LHFPL3: variants seen among roughly 807,000 people sequenced by gnomAD.
The protein encoded by LHFPL3 is LHFPL tetraspan subfamily member 3 protein.
Under a neutral mutation model 19.3 loss-of-function variants are expected in LHFPL3, and 5 were observed. That is an observed-to-expected ratio of 0.26 (90% CI 0.14 to 0.54). The LOEUF (loss-of-function observed/expected upper bound fraction) is 0.54. Ranked by LOEUF, LHFPL3 falls within the 20% of genes least tolerant of loss-of-function variation. The pLI is 0.94. For synonymous variants in LHFPL3, 133 were observed against 126.2 expected, an observed-to-expected ratio of 1.05 and a Z score of -0.36; for missense variants, 249 against 307.4, an observed-to-expected ratio of 0.81 and a Z score of 1.42.
chr7:104,880,407 A>T (rs1792024943), intron 2 of LHFPL3, among the ~76,000 whole-genome samples: 1 of 152,126 alleles, frequency 6.6e-6, no homozygotes, highest in African/African-American at 2.4e-5. Flanking sequence ...TGAGCCAAAT[A>T]AATCTCTTTC....
chr7:104,575,159 A>G (rs1004680253), intron 1 of LHFPL3, among the ~76,000 whole-genome samples: 1 of 152,188 alleles, frequency 6.6e-6, no homozygotes, highest in African/African-American at 2.4e-5. Context: ...TTCAATGTCA[A>G]TGTTGGAAGG....
chr7:104,545,270 T>C (rs1794557957), intron 1 of LHFPL3, among the ~76,000 whole-genome samples: 1 of 152,188 alleles, frequency 6.6e-6, no homozygotes, highest in Non-Finnish European at 1.5e-5. Context: ...CAAATAGACC[T>C]CACCATATGG....
At chr7:104,852,742 A>G (rs766456367) in intron 2 of LHFPL3, among the ~76,000 whole-genome samples, 8 of 152,170 alleles carry the variant, frequency 5.3e-5, no homozygotes, top group Non-Finnish European at 1.0e-4. Flanking sequence ...GTATCTTTGA[A>G]TGTGTGTTTT....
At chr7:104,624,016 T>C (rs1325051486) in intron 1 of LHFPL3, among the ~76,000 whole-genome samples, 1 of 152,190 alleles carries the variant, frequency 6.6e-6, no homozygotes, top group Non-Finnish European at 1.5e-5. Context: ...CAGTGTCTAG[T>C]TCAGAAATAA....
chr7:104,878,880 G>C (rs915042520), intron 2 of LHFPL3, among the ~76,000 whole-genome samples: 2 of 152,196 alleles, frequency 1.3e-5, no homozygotes, highest in African/African-American at 4.8e-5. Flanking sequence ...GATTGTTATG[G>C]TTATGGTTTG....
At chr7:104,551,318 C>T (rs1794660070) in intron 1 of LHFPL3, among the ~76,000 whole-genome samples, 1 of 152,110 alleles carries the variant, frequency 6.6e-6, no homozygotes, top group Non-Finnish European at 1.5e-5. Flanking sequence ...ATAATGTTGG[C>T]ATATTTCCAT....
At chr7:104,874,679 G>T (rs1226021196) in intron 2 of LHFPL3, among the ~76,000 whole-genome samples, 1 of 151,940 alleles carries the variant, frequency 6.6e-6, no homozygotes, top group Admixed American at 6.6e-5. Flanking sequence ...AAAGTGCTGG[G>T]ATTACAGGCA....
intron 1 of LHFPL3, among the ~76,000 whole-genome samples, chr7:104,556,209 A>T (rs1789827927): frequency 6.6e-6 from 1 of 152,202 alleles, no homozygotes; most frequent in Non-Finnish European, 1.5e-5. Context: ...CAGCTCCACT[A>T]GGCAGTGCCC....
At chr7:104,452,296 G>A (rs1172506649) in intron 1 of LHFPL3, among the ~76,000 whole-genome samples, 1 of 152,154 alleles carries the variant, frequency 6.6e-6, no homozygotes, top group African/African-American at 2.4e-5. Flanking sequence ...TATGTATATG[G>A]ATGAATTTTA....
intron 1 of LHFPL3, among the ~76,000 whole-genome samples, chr7:104,407,078 CA>C (rs1323776089): frequency 6.6e-6 from 1 of 152,148 alleles, no homozygotes; most frequent in Non-Finnish European, 1.5e-5. Context: ...ACTGACATCA[CA>C]GGGTTGAAGT....
intron 1 of LHFPL3, among the ~76,000 whole-genome samples, chr7:104,458,604 T>C (rs1327997600): frequency 1.3e-5 from 2 of 152,126 alleles, no homozygotes; most frequent in African/African-American, 4.8e-5. Context: ...TGCGGGCTCT[T>C]TTTTGGTTCC....
At chr7:104,357,428 T>G (rs1380554988) in intron 1 of LHFPL3, among the ~76,000 whole-genome samples, 1 of 152,182 alleles carries the variant, frequency 6.6e-6, no homozygotes, top group Non-Finnish European at 1.5e-5. Context: ...GGCTTCTGGG[T>G]AAATGATTGT....
intron 1 of LHFPL3, among the ~76,000 whole-genome samples, chr7:104,671,907 C>T (rs1011723709): frequency 3.9e-5 from 6 of 152,122 alleles, no homozygotes; most frequent in Non-Finnish European, 8.8e-5. Flanking sequence ...ATATCAATGT[C>T]CCTATTTCTT....
intron 1 of LHFPL3, among the ~76,000 whole-genome samples, chr7:104,690,118 C>A (rs1009122197): frequency 1.3e-5 from 2 of 152,266 alleles, no homozygotes; most frequent in Non-Finnish European, 2.9e-5. Flanking sequence ...CAACACATCC[C>A]CATTCAACTC....
chr7:104,688,203 G>A (rs1792841728), intron 1 of LHFPL3, among the ~76,000 whole-genome samples: 2 of 152,154 alleles, frequency 1.3e-5, no homozygotes, highest in South Asian at 4.1e-4. Flanking sequence ...TTGCTCCTAA[G>A]TCCACAGGAC....
At chr7:104,569,027 T>C (rs1378845344) in intron 1 of LHFPL3, among the ~76,000 whole-genome samples, 1 of 152,232 alleles carries the variant, frequency 6.6e-6, no homozygotes, top group African/African-American at 2.4e-5. Context: ...TGATTGGTCT[T>C]CATTAGAGGA....
intron 1 of LHFPL3, among the ~76,000 whole-genome samples, chr7:104,431,442 G>T (rs1211721215): frequency 1.3e-5 from 2 of 152,080 alleles, no homozygotes; most frequent in Non-Finnish European, 2.9e-5. Context: ...GAATTGTTTT[G>T]AGTCATATTC....
chr7:104,591,597 G>A (rs1057328106), intron 1 of LHFPL3, among the ~76,000 whole-genome samples: 3 of 152,022 alleles, frequency 2.0e-5, no homozygotes, highest in South Asian at 4.1e-4. Context: ...TGTGTCTTGA[G>A]GTTGCTCTTC....
In LHFPL3 at chr7:104,835,212, G is replaced by T. The variant is rs374044362; in HGVS notation, c.683-70975G>T. On this transcript the variant is annotated intron_variant, in intron 2 of 2. Coordinates refer to ENST00000424859, the MANE Select transcript of LHFPL3 (RefSeq NM_199000.3). ...ATACTGACTACCTGATTGGTTTGCT[G>T]AGACTAAATGAGTTAATTCTCATAA... 1.0e-3 allele frequency among the ~76,000 whole-genome samples: 159 copies of T among 152,086 alleles called. 2 individuals carry two copies. Among genetic ancestry groups the T allele is most frequent in the African/African-American group, 3.7e-3 (154 of 41,346 alleles).
Sources: allele counts gnomAD v4.1 joint callset (sites outside exome capture counted in the v4.1 genomes callset), GRCh38; gene constraint gnomAD v4.1.1; transcripts MANE v1.5; gene names NCBI Gene and HGNC (gene_info 2026-07-23, HGNC 2026-07-21).